MIR2052HG: variants seen among roughly 807,000 people sequenced by gnomAD.
The protein encoded by MIR2052HG is MIR2052 host gene.
rs183689468 is a variant in MIR2052HG, at chr8:74,713,770, C to T, written n.371+10088C>T. On this transcript the variant is annotated intron_variant and non_coding_transcript_variant, in intron 4 of 6. Coordinates refer to ENST00000523442, the Ensembl canonical transcript of MIR2052HG. ...TTTGCATTATAAATTTTGCATTATTCTCTAACTTACTCATTAACAAAAAAA... is the reference window on the plus strand; with the variant it reads ...TTTGCATTATAAATTTTGCATTATTTTCTAACTTACTCATTAACAAAAAAA... 2.1e-3 allele frequency among the ~76,000 whole-genome samples: 315 copies of T among 152,188 alleles called. 1 individual carries two copies. Among genetic ancestry groups the T allele is most frequent in the Middle Eastern group, 0.01 (3 of 294 alleles).
At chr8:74,703,503 A>G (rs1809378234) in intron 3 of MIR2052HG, 14 of 322,044 alleles carry the variant, frequency 4.3e-5, no homozygotes, top group South Asian at 3.7e-4. Context: ...TCCATGGATA[A>G]CAGCAGGATT....
rs930871840 is a variant in MIR2052HG, at chr8:74,612,858, G to A, written n.134G>A. 5 of 456,106 alleles carry A rather than the reference G, an allele frequency of 1.1e-5. No individual in the cohort carries two copies. Among genetic ancestry groups the A allele is most frequent in the Middle Eastern group, 3.3e-4 (1 of 3,074 alleles). The allele number at this position is 456,106 out of a possible 1,614,324, so 28.3% of individuals were successfully genotyped here. On this transcript the variant is annotated non_coding_transcript_exon_variant, in exon 2 of 7. Coordinates refer to ENST00000523442, the Ensembl canonical transcript of MIR2052HG. ...ACAAAAATGTTTTTCTGCAGTTCCC[G>A]AGAGATCCCATGATCCAGAGACAAA...
At chr8:74,684,590 TTA>T (rs1563531349) in intron 2 of MIR2052HG, among the ~76,000 whole-genome samples, 2 of 152,070 alleles carry the variant, frequency 1.3e-5, no homozygotes, top group African/African-American at 4.8e-5. Flanking sequence ...CCCCTGAATA[TTA>T]TATGTTATAA....
At chr8:74,750,931 T>C (rs1196957651) in intron 4 of MIR2052HG, among the ~76,000 whole-genome samples, 1 of 152,228 alleles carries the variant, frequency 6.6e-6, no homozygotes, top group Non-Finnish European at 1.5e-5. Context: ...GAAGGACAGA[T>C]AATTTTTCTG....
At chr8:74,619,474 A>T (rs1198143928) in intron 2 of MIR2052HG, among the ~76,000 whole-genome samples, 5 of 152,218 alleles carry the variant, frequency 3.3e-5, no homozygotes, top group Non-Finnish European at 7.3e-5. Context: ...ATATCTGAGT[A>T]ATTTATAAAG....
intron 2 of MIR2052HG, among the ~76,000 whole-genome samples, chr8:74,640,560 T>C (rs1363199186): frequency 6.6e-6 from 1 of 151,218 alleles, no homozygotes; most frequent in Non-Finnish European, 1.5e-5. Flanking sequence ...AAGAGGCAGG[T>C]AGGTCATCAG....
chr8:74,667,719 T>C (rs1026883990), intron 2 of MIR2052HG, among the ~76,000 whole-genome samples: 2 of 152,220 alleles, frequency 1.3e-5, no homozygotes, highest in African/African-American at 4.8e-5. Flanking sequence ...TGTTTATTAC[T>C]GAGTACCAAA....
chr8:74,707,946 C>T (rs964505768), intron 4 of MIR2052HG, among the ~76,000 whole-genome samples: 1 of 151,988 alleles, frequency 6.6e-6, no homozygotes, highest in African/African-American at 2.4e-5. Flanking sequence ...ATGATGCAAA[C>T]AGTGAAAAGA....
chr8:74,612,676 C>A, intron 1 of MIR2052HG: 4 of 323,820 alleles, frequency 1.2e-5, no homozygotes, highest in Non-Finnish European at 1.8e-5. Context: ...GGAAAATGAC[C>A]ATTTGTCTGA....
intron 4 of MIR2052HG, among the ~76,000 whole-genome samples, chr8:74,739,984 C>T (rs533245999): frequency 2.6e-5 from 4 of 152,278 alleles, no homozygotes; most frequent in East Asian, 3.9e-4. Flanking sequence ...CACAATTATG[C>T]ATCCATGTAT....
chr8:74,681,281 G>A (rs1331890694), intron 2 of MIR2052HG, among the ~76,000 whole-genome samples: 1 of 151,884 alleles, frequency 6.6e-6, no homozygotes, highest in African/African-American at 2.4e-5. Context: ...TAAATACAAT[G>A]CAATTCCAGC....
intron 2 of MIR2052HG, among the ~76,000 whole-genome samples, chr8:74,630,528 G>GAAA (rs200428495): frequency 0.044 from 5,480 of 125,836 alleles, 176 homozygotes; most frequent in East Asian, 0.084. Context: ...AGATTTCTCT[G>GAAA]AAAAAAAAAA....
intron 2 of MIR2052HG, among the ~76,000 whole-genome samples, chr8:74,659,410 AT>A (rs1253977851): frequency 2.0e-5 from 3 of 152,148 alleles, no homozygotes; most frequent in African/African-American, 7.2e-5. Flanking sequence ...AATTTCTACC[AT>A]GTTTTGACTT....
intron 2 of MIR2052HG, among the ~76,000 whole-genome samples, chr8:74,650,517 T>A (rs1808740772): frequency 6.6e-6 from 1 of 152,196 alleles, no homozygotes; most frequent in Non-Finnish European, 1.5e-5. Flanking sequence ...CTCATATGAA[T>A]GTTTTTGTGG....
chr8:74,682,794 C>T (rs1809140009), intron 2 of MIR2052HG, among the ~76,000 whole-genome samples: 2 of 151,752 alleles, frequency 1.3e-5, no homozygotes, highest in African/African-American at 4.8e-5. Context: ...TTCATGTTCA[C>T]CAAGAGATGT....
chr8:74,671,816 A>G (rs545866953), intron 2 of MIR2052HG, among the ~76,000 whole-genome samples: 69 of 152,236 alleles, frequency 4.5e-4, no homozygotes, highest in Admixed American at 1.7e-3. Flanking sequence ...GTTGAATTTT[A>G]TCATTTTCTT....
chr8:74,733,273 T>C (rs1219858298), intron 4 of MIR2052HG, among the ~76,000 whole-genome samples: 1 of 151,766 alleles, frequency 6.6e-6, no homozygotes, highest in East Asian at 1.9e-4. Context: ...GATGTTCCCC[T>C]TCCTGTGTCC....
chr8:74,691,869 C>T (rs559467227), intron 2 of MIR2052HG, among the ~76,000 whole-genome samples: 1 of 152,252 alleles, frequency 6.6e-6, no homozygotes, highest in East Asian at 1.9e-4. Context: ...AGTCTTCTCT[C>T]TACCATTCTC....
intron 2 of MIR2052HG, among the ~76,000 whole-genome samples, chr8:74,662,110 G>A (rs1042130935): frequency 2.0e-5 from 3 of 152,006 alleles, no homozygotes; most frequent in Admixed American, 1.3e-4. Context: ...ACAGCAAATC[G>A]AGCATTATGA....
Sources: allele counts gnomAD v4.1 joint callset (sites outside exome capture counted in the v4.1 genomes callset), GRCh38; gene constraint gnomAD v4.1.1; transcripts MANE v1.5; gene names NCBI Gene and HGNC (gene_info 2026-07-23, HGNC 2026-07-21).